The following ABCB1 variants were observed in gnomAD, a reference collection of about 807,000 sequenced individuals.
The protein encoded by ABCB1 is ATP-dependent translocase ABCB1.
Under a neutral mutation model 142.0 loss-of-function variants are expected in ABCB1, and 69 were observed. The ratio of observed to expected loss-of-function variants is 0.49; its 90% CI spans 0.40 to 0.59. The LOEUF is 0.59. ABCB1 is among the 20% of genes least tolerant of loss of function. The pLI is 0.00. For missense variants in ABCB1, 1,326 were observed against 1,554.7 expected, an observed-to-expected ratio of 0.85 and a Z score of 2.47; for synonymous variants, 532 against 539.2, an observed-to-expected ratio of 0.99 and a Z score of 0.18.
At chr7:87,591,549 A>G (rs192909391) in intron 3 of ABCB1, among the ~76,000 whole-genome samples, 2 of 152,304 alleles carry the variant, frequency 1.3e-5, no homozygotes, top group African/African-American at 4.8e-5. Flanking sequence ...CAATTTACTA[A>G]GGTACTCATG....
intron 3 of ABCB1, among the ~76,000 whole-genome samples, chr7:87,594,935 C>T (rs17149792): frequency 0.09 from 13,666 of 152,134 alleles, 1,203 homozygotes; most frequent in African/African-American, 0.23. Context: ...TGCTGTTGGA[C>T]TTAATTGGTT....
At chr7:87,595,500 G>T (rs571309695) in intron 3 of ABCB1, among the ~76,000 whole-genome samples, 1 of 152,206 alleles carries the variant, frequency 6.6e-6, no homozygotes, top group South Asian at 2.1e-4. Flanking sequence ...TGGGAGAGGT[G>T]CTTGTGTAGG....
intron 9 of ABCB1, among the ~76,000 whole-genome samples, 161 bp from the exon 10 acceptor site, chr7:87,550,999 C>G (rs1028783846): frequency 5.3e-5 from 8 of 152,016 alleles, no homozygotes; most frequent in Non-Finnish European, 1.2e-4. Flanking sequence ...TTGTAACTAA[C>G]AGTACATTTA....
chr7:87,627,158 T>C (rs942969723), intron 1 of ABCB1, among the ~76,000 whole-genome samples: 1 of 152,190 alleles, frequency 6.6e-6, no homozygotes, highest in East Asian at 1.9e-4. Context: ...CTATTTTAAA[T>C]AGAGATTTTT....
chr7:87,546,864 A>T (rs954017826), intron 14 of ABCB1, among the ~76,000 whole-genome samples: 1 of 152,208 alleles, frequency 6.6e-6, no homozygotes, highest in East Asian at 1.9e-4. Flanking sequence ...GTGAGACTCA[A>T]TTTATTCATA....
At position 87,516,641 on chromosome 7, in the gene ABCB1, A is replaced by C; in HGVS notation, c.2952T>G (p.Gly984=). 3 of 1,613,960 alleles carry C rather than the reference A, an allele frequency of 1.9e-6. No homozygotes were observed. Among genetic ancestry groups the C allele is most frequent in the Non-Finnish European group, 2.5e-6 (3 of 1,179,988 alleles). Reference sequence around the variant, plus strand: ...AACTGACTTGCCCCACGGCCATGGCACCAAAGACAACAGCTGAAAATACTC... The same window carrying C: ...AACTGACTTGCCCCACGGCCATGGCCCCAAAGACAACAGCTGAAAATACTC... ...VLLVFSAVVF[G]AMAVGQVSSF... The change falls in exon 24 of 28, where the codon GGT becomes GGG. Residue 984 remains glycine (G), a synonymous_variant. Transcript: ENST00000622132.
chr7:87,563,963 T>A (rs1192919776), intron 7 of ABCB1, among the ~76,000 whole-genome samples: 1 of 151,308 alleles, frequency 6.6e-6, no homozygotes, highest in African/African-American at 2.5e-5. Flanking sequence ...AGCTAAATGA[T>A]GAGAACACAT....
intron 1 of ABCB1, among the ~76,000 whole-genome samples, chr7:87,621,314 A>T (rs1007928469): frequency 6.6e-6 from 1 of 152,160 alleles, no homozygotes; most frequent in African/African-American, 2.4e-5. Context: ...TAAATGATAA[A>T]TCAATGGATG....
intron 1 of ABCB1, among the ~76,000 whole-genome samples, chr7:87,633,950 C>T (rs1305217693): frequency 6.6e-6 from 1 of 152,066 alleles, no homozygotes; most frequent in Non-Finnish European, 1.5e-5. Context: ...GTACAAAAAC[C>T]GTGGCCCCGG....
At chr7:87,542,693 C>A (rs919202707) in intron 17 of ABCB1, among the ~76,000 whole-genome samples, 5 of 151,810 alleles carry the variant, frequency 3.3e-5, no homozygotes, top group Non-Finnish European at 7.4e-5. Flanking sequence ...CCACAGTCTA[C>A]CCCCGCCAAC....
intron 1 of ABCB1, among the ~76,000 whole-genome samples, chr7:87,675,253 A>C (rs1826210173): frequency 6.6e-6 from 1 of 152,176 alleles, no homozygotes; most frequent in Non-Finnish European, 1.5e-5. Flanking sequence ...TTCCCTCCAA[A>C]GATCTGTTCA....
chr7:87,698,870 CT>C (rs1828750347), intron 1 of ABCB1, among the ~76,000 whole-genome samples: 1 of 152,250 alleles, frequency 6.6e-6, no homozygotes, highest in Admixed American at 6.5e-5. Flanking sequence ...TGGAAGAGGC[CT>C]TTAAAACACC....
intron 1 of ABCB1, among the ~76,000 whole-genome samples, chr7:87,646,711 A>G (rs764149861): frequency 7.2e-5 from 11 of 152,130 alleles, no homozygotes; most frequent in Non-Finnish European, 1.3e-4. Context: ...TACACACTGT[A>G]CTTATTATTT....
chr7:87,546,142 T>G, intron 14 of ABCB1, 118 bp from the exon 15 acceptor site: 1 of 948,248 alleles, frequency 1.1e-6, no homozygotes, highest in Non-Finnish European at 1.7e-6. Context: ...CAAATCTATA[T>G]AAGATAGCCT....
chr7:87,511,534 T>C (rs1815008390), intron 25 of ABCB1, among the ~76,000 whole-genome samples: 1 of 152,242 alleles, frequency 6.6e-6, no homozygotes, highest in Non-Finnish European at 1.5e-5. Context: ...GACAACGTTG[T>C]AGGTTCTGTG....
Position 87,549,851 on chromosome 7 carries a change from A to C in ABCB1, c.1554T>G (p.His518Gln). 6.2e-7 allele frequency: 1 copy of C among 1,614,172 alleles called. No homozygotes were observed. ...AAGGCAAAGGGCAAGGACAACTTAC[A>C]TGAGGCAGTTTCATGATAAAGTCAT... The part of the protein sequence containing the change: ...NAYDFIMKLP[H>Q]KFDTLVGERG... Residue 518 changes from histidine to glutamine, a missense_variant and splice_region_variant, in exon 13 of 28, where the codon CAT (histidine) becomes CAG (glutamine). His to Gln is a conservative substitution (Grantham distance 24). Coordinates refer to ENST00000622132, the MANE Select transcript of ABCB1 (RefSeq NM_001348946.2).
At chr7:87,628,587 GTGTGT>G in intron 1 of ABCB1, 2 of 12,218 alleles carry the variant, frequency 1.6e-4, no homozygotes, top group African/African-American at 4.9e-4. Context: ...GTGCGTGCGT[GTGTGT>G]GTGTGTGTGT....
chr7:87,657,089 A>C (rs1824181046), intron 1 of ABCB1, among the ~76,000 whole-genome samples: 1 of 152,174 alleles, frequency 6.6e-6, no homozygotes, highest in Non-Finnish European at 1.5e-5. Context: ...GTACAATAAT[A>C]AACCCTGGGC....
At chr7:87,524,825 T>C (rs1192638022) in intron 21 of ABCB1, among the ~76,000 whole-genome samples, 2 of 152,178 alleles carry the variant, frequency 1.3e-5, no homozygotes, top group African/African-American at 2.4e-5. Flanking sequence ...CAAACAGGTT[T>C]TCTAGATTAG....
Sources: gnomAD v4.1 joint callset for allele counts (sites outside exome capture counted in the v4.1 genomes callset) on GRCh38, gnomAD v4.1.1 for gene constraint, MANE v1.5 for transcripts, NCBI Gene and HGNC (gene_info 2026-07-23, HGNC 2026-07-21) for gene names.